The following CRISP2 variants were observed in gnomAD, a reference collection of about 807,000 sequenced individuals.
CRISP2 encodes cysteine-rich secretory protein 2.
CRISP2 carries 29 observed loss-of-function variants against 31.7 expected under a neutral mutation model. The ratio of observed to expected loss-of-function variants is 0.92; its 90% CI spans 0.68 to 1.25. The LOEUF (loss-of-function observed/expected upper bound fraction) is 1.25, where lower values mean the gene tolerates loss of function less well. CRISP2 is among the 50% of genes most tolerant of loss of function. CRISP2 has a pLI of 0.00. For synonymous variants in CRISP2, 111 were observed against 101.4 expected (o/e 1.09, Z -0.57); for missense variants, 318 against 286.5 (o/e 1.11, Z -0.79).
chr6:49,679,768 C>A, the CRISP2 span, among the ~76,000 whole-genome samples: 508 of 152,028 alleles, frequency 3.3e-3, 6 homozygotes, highest in African/African-American at 0.011. Context: ...TGCAGTGGCA[C>A]GATCTTGGCT....
At chr6:49,696,614 A>G (rs1336371333) in intron 8 of CRISP2, among the ~76,000 whole-genome samples, 7 of 151,858 alleles carry the variant, frequency 4.6e-5, no homozygotes, top group Admixed American at 4.6e-4. Context: ...AAAAAAGATT[A>G]AAGAAAAGTT....
At chr6:49,683,737 C>CTAAG in the CRISP2 span, among the ~76,000 whole-genome samples, 1 of 91,192 alleles carries the variant, frequency 1.1e-5, no homozygotes. Flanking sequence ...GTTGATAGGA[C>CTAAG]TAAGTCACTA....
intron 4 of CRISP2, among the ~76,000 whole-genome samples, chr6:49,707,232 C>T (rs572505263): frequency 6.3e-4 from 96 of 152,086 alleles, no homozygotes; most frequent in Middle Eastern, 3.4e-3. Context: ...GAATAAGTGA[C>T]GTGACATAAG....
rs1178266226 is a variant in CRISP2 at position 49,692,767 on chromosome 6, G to T, written c.*6C>A. On this transcript the variant is annotated 3_prime_UTR_variant, in exon 10 of 10. Transcript: ENST00000339139. The stretch of plus-strand genomic sequence containing the variant: ...ATGCAGTCTTGCACAATGCTCACTA[G>T]GTAAATCAGTAAATTTTGTTCTCAC... 3.7e-6 allele frequency: 6 copies of T among 1,611,932 alleles called. No homozygotes were observed. In the East Asian group the frequency reaches 1.3e-4, roughly 36 times the overall value.
chr6:49,687,829 G>A (rs1301381974), downstream of CRISP2, among the ~76,000 whole-genome samples: 1 of 152,192 alleles, frequency 6.6e-6, no homozygotes, highest in East Asian at 1.9e-4. Flanking sequence ...CCTTGCTTCA[G>A]TTCCACTGTG....
At chr6:49,703,545 G>A (rs1344586830) in intron 4 of CRISP2, among the ~76,000 whole-genome samples, 1 of 151,990 alleles carries the variant, frequency 6.6e-6, no homozygotes. Context: ...TCCTTGGTTA[G>A]GTATACTCCA....
At chr6:49,687,983 A>G (rs1263713432), downstream of CRISP2, among the ~76,000 whole-genome samples, 2 of 152,148 alleles carry the variant, frequency 1.3e-5, no homozygotes, top group South Asian at 2.1e-4. Context: ...TGTGTTCACA[A>G]CTGGGGAAAT....
the CRISP2 span, among the ~76,000 whole-genome samples, chr6:49,682,585 CTTTTTCTT>C: frequency 5.9e-5 from 4 of 67,334 alleles, no homozygotes; most frequent in Admixed American, 1.8e-4. Context: ...TTCTTTCTTT[CTTTTTCTT>C]TCTTTCTTTC....
intron 9 of CRISP2, among the ~76,000 whole-genome samples, chr6:49,695,272 G>A (rs1320348389): frequency 1.3e-5 from 2 of 152,030 alleles, no homozygotes; most frequent in Non-Finnish European, 2.9e-5. Context: ...ATTGTATATA[G>A]ATTGAGTTTT....
the CRISP2 span, among the ~76,000 whole-genome samples, chr6:49,683,882 AT>A: frequency 6.6e-6 from 1 of 151,288 alleles, no homozygotes; most frequent in African/African-American, 2.4e-5. Context: ...TAAAGGAAAT[AT>A]TTATTTTCAA....
At chr6:49,701,808 T>C (rs1360817282) in intron 4 of CRISP2, among the ~76,000 whole-genome samples, 1 of 103,926 alleles carries the variant, frequency 9.6e-6, no homozygotes, top group Non-Finnish European at 1.8e-5. Context: ...ACATTATATA[T>C]GTATACATAT....
intron 4 of CRISP2, 76 bp from the exon 5 acceptor site, chr6:49,700,860 G>T (rs1765548306): frequency 2.2e-6 from 2 of 911,616 alleles, no homozygotes; most frequent in South Asian, 1.5e-5. Flanking sequence ...GTTAATTCAA[G>T]AGAACAAAGG....
downstream of CRISP2, among the ~76,000 whole-genome samples, chr6:49,691,711 TATTA>T (rs1292719807): frequency 9.9e-5 from 15 of 152,066 alleles, no homozygotes; most frequent in Admixed American, 9.8e-4. Context: ...GTAAAATTGC[TATTA>T]ATTATTCTTT....
intron 9 of CRISP2, among the ~76,000 whole-genome samples, chr6:49,694,495 G>A (rs1309924923): frequency 6.6e-6 from 1 of 152,084 alleles, no homozygotes; most frequent in Non-Finnish European, 1.5e-5. Context: ...TTTCTTACTG[G>A]TGTGTGTTTT....
chr6:49,701,670 TTATA>T (rs1366817040), intron 4 of CRISP2, among the ~76,000 whole-genome samples: 25 of 125,184 alleles, frequency 2.0e-4, no homozygotes, highest in African/African-American at 6.5e-4. Context: ...TATGTATACA[TTATA>T]TATGTATACA....
chr6:49,709,125 C>G lies in CRISP2; in HGVS notation c.66+6G>C, dbSNP rs114507483. On this transcript the variant is annotated splice_donor_region_variant and intron_variant, in intron 4 of 9. Transcript: ENST00000339139. ...GCTCTGAAAAGATTTTCCATTTTAA[C>G]CTTACCTTTCCTTCTGCAGGTAAAG... The G allele has an allele frequency of 7.0e-3, 11,216 of 1,613,198 alleles. 58 individuals are homozygous for G. The highest frequency in any genetic ancestry group is 8.7e-3 in the Non-Finnish European group (10,232 of 1,179,360).
Position 49,709,175 on chromosome 6 carries a change from A to T in CRISP2, c.22T>A (p.Phe8Ile). 2 of 1,613,798 alleles carry T rather than the reference A, an allele frequency of 1.2e-6. No individual in the cohort carries two copies. Among genetic ancestry groups the T allele is most frequent in the Non-Finnish European group, 1.7e-6 (2 of 1,179,908 alleles). The change falls in exon 4 of 10, where the codon TTT (phenylalanine) becomes ATT (isoleucine). Residue 8 changes from phenylalanine (F) to isoleucine (I), a missense_variant. Phe to Ile is a conservative substitution (Grantham distance 21, BLOSUM62 0). Coordinates refer to ENST00000339139, the MANE Select transcript of CRISP2 (RefSeq NM_003296.4). MALLPVLFLVTVLLPSLP... is the reference protein window; with the variant it reads MALLPVLILVTVLLPSLP... ...GATGGAAGCAGCACAGTAACCAGAAACAACACCGGTAGTAAAGCCATTGCT... is the reference window on the plus strand; with the variant it reads ...GATGGAAGCAGCACAGTAACCAGAATCAACACCGGTAGTAAAGCCATTGCT...
chr6:49,692,157 T>A (rs762353251), downstream of CRISP2, among the ~76,000 whole-genome samples: 1 of 152,156 alleles, frequency 6.6e-6, no homozygotes, highest in East Asian at 1.9e-4. Flanking sequence ...TAGAACTGAT[T>A]AATTTTTTGT....
downstream of CRISP2, chr6:49,692,323 T>C (rs980413309): frequency 1.3e-5 from 2 of 152,540 alleles, no homozygotes; most frequent in Admixed American, 6.5e-5. Flanking sequence ...GAAAAGCTGA[T>C]TACTTTTGTT....
Sources: allele counts gnomAD v4.1 joint callset (sites outside exome capture counted in the v4.1 genomes callset), GRCh38; gene constraint gnomAD v4.1.1; transcripts MANE v1.5; gene names NCBI Gene and HGNC (gene_info 2026-07-23, HGNC 2026-07-21).